The following ADGRL3 variants were observed in gnomAD, a reference collection of about 807,000 sequenced individuals.
ADGRL3 encodes calcium-independent alpha-latrotoxin receptor 3.
A neutral mutation model predicts 153.5 loss-of-function variants in ADGRL3; 62 were observed. The ratio of observed to expected loss-of-function variants is 0.40; its 90% confidence interval spans 0.33 to 0.50. The LOEUF is 0.50. Among genes scored for constraint, ADGRL3 ranks in the 20% least tolerant of loss-of-function variants. ADGRL3 has a pLI of 0.47. For synonymous variants in ADGRL3, 710 were observed against 672.5 expected (o/e 1.06, Z -0.86); for missense variants, 1,641 against 1,859.4 (o/e 0.88, Z 2.16).
intron 9 of ADGRL3, among the ~76,000 whole-genome samples, chr4:61,866,551 G>T (rs976294542): frequency 6.6e-6 from 1 of 152,140 alleles, no homozygotes; most frequent in African/African-American, 2.4e-5. Flanking sequence ...GTTAGGAAAA[G>T]CTCAGGTGCT....
In ADGRL3 at chr4:62,075,982, C is replaced by G. The variant is rs912261004; in HGVS notation, c.*5074C>G. 3 of 152,064 alleles carry G rather than the reference C, an allele frequency of 2.0e-5. No individual in the cohort carries two copies. The highest frequency in any genetic ancestry group is 7.2e-5 in the African/African-American group (3 of 41,414). The allele number at this position is 152,064 out of a possible 1,614,324, so 9.4% of individuals were successfully genotyped here. A position where few individuals can be genotyped will look rare whatever the true frequency, so the allele number is the denominator to read the frequency against. On this transcript the variant is annotated 3_prime_UTR_variant, in exon 27 of 27. Transcript: ENST00000683033. ...TTTACTAATTAACACTGATTACACTCTCTTTGGTTTAAAAGGGAAACTTTC... is the reference window on the plus strand; with the variant it reads ...TTTACTAATTAACACTGATTACACTGTCTTTGGTTTAAAAGGGAAACTTTC...
intron 5 of ADGRL3, among the ~76,000 whole-genome samples, chr4:61,641,525 G>C (rs1258701644): frequency 1.4e-5 from 2 of 147,826 alleles, no homozygotes; most frequent in Non-Finnish European, 3.0e-5. Context: ...CTATGAGTGA[G>C]AATATGCAGT....
Position 61,703,656 on chromosome 4 carries a change from T to C in ADGRL3, c.583+26721T>C, listed in dbSNP as rs191474931. Among the ~76,000 whole-genome samples the C allele has an allele frequency of 9.9e-5, 15 of 152,148 alleles. No homozygotes were observed. In the East Asian group the frequency reaches 2.5e-3, roughly 25 times the overall value. Reference sequence around the variant, plus strand: ...TAAGAGATAGGCATAAAGACTGTTATTTCTATTGTTGGAGATAGCAAATTA... The same window carrying C: ...TAAGAGATAGGCATAAAGACTGTTACTTCTATTGTTGGAGATAGCAAATTA... On this transcript the variant is annotated intron_variant, in intron 6 of 26. Coordinates refer to ENST00000683033, the MANE Select transcript of ADGRL3 (RefSeq NM_001387552.1).
intron 17 of ADGRL3, among the ~76,000 whole-genome samples, chr4:61,973,275 T>C (rs1246178291): frequency 1.3e-5 from 2 of 152,046 alleles, no homozygotes; most frequent in African/African-American, 4.8e-5. Flanking sequence ...TATCATTGAG[T>C]GTACCTCATG....
intron 1 of ADGRL3, among the ~76,000 whole-genome samples, chr4:61,269,532 A>G (rs893159956): frequency 4.0e-5 from 6 of 151,760 alleles, no homozygotes; most frequent in Admixed American, 3.9e-4. Context: ...TTTAAATTTA[A>G]TGGAACTGAT....
intron 6 of ADGRL3, among the ~76,000 whole-genome samples, chr4:61,685,820 T>C (rs1244591851): frequency 6.6e-6 from 1 of 152,134 alleles, no homozygotes; most frequent in African/African-American, 2.4e-5. Context: ...ACCTTCTCTT[T>C]CTAATATATA....
rs71664995 is a variant in ADGRL3, at chr4:61,701,430, ATTTT to A, written c.583+24514_583+24517del. On this transcript the variant is annotated intron_variant, in intron 6 of 26. Transcript: ENST00000683033. Reference sequence around the variant, plus strand: ...ATATCAGAAGCACATTAAAGGTACAATTTTTTTTTTTTTTTTTTTTTTGAGATGG... The same window carrying A: ...ATATCAGAAGCACATTAAAGGTACAATTTTTTTTTTTTTTTTTTGAGATGG... Among the ~76,000 whole-genome samples, 10 of 105,416 alleles carry A rather than the reference ATTTT, an allele frequency of 9.5e-5. No homozygotes were observed. In the Admixed American group the frequency reaches 1.2e-3, roughly 13 times the overall value. 69.2% of individuals were successfully genotyped at this position (105,416 alleles called of 152,430 possible).
chr4:61,911,879 A>G (rs2098723582), intron 12 of ADGRL3, among the ~76,000 whole-genome samples: 1 of 152,242 alleles, frequency 6.6e-6, no homozygotes, highest in Middle Eastern at 3.4e-3. Flanking sequence ...CCACAAATGA[A>G]TTTATAAAAA....
intron 1 of ADGRL3, among the ~76,000 whole-genome samples, chr4:61,252,497 T>G (rs1759671666): frequency 6.6e-6 from 1 of 152,228 alleles, no homozygotes; most frequent in African/African-American, 2.4e-5. Context: ...AATGAATATT[T>G]TTAAAACTTT....
rs796142701 is a variant in ADGRL3 at position 61,597,352 on chromosome 4, A to T, written c.473+9912A>T. Among the ~76,000 whole-genome samples, 32 of 152,270 alleles carry T rather than the reference A, an allele frequency of 2.1e-4. 1 individual carries two copies. Among genetic ancestry groups the T allele is most frequent in the African/African-American group, 7.7e-4 (32 of 41,584 alleles). On this transcript the variant is annotated intron_variant, in intron 5 of 26. Transcript: ENST00000683033. ...GCTGTCTATGGGTTAAAAGGTGAGT[A>T]GATGATAATTGAACTAAAGGGAACT...
intron 25 of ADGRL3, among the ~76,000 whole-genome samples, chr4:62,050,448 A>C (rs1171206266): frequency 6.6e-6 from 1 of 152,098 alleles, no homozygotes; most frequent in Non-Finnish European, 1.5e-5. Context: ...GATGTGGCTC[A>C]GAACCGTTTT....
At chr4:61,886,330 A>G (rs1267785545) in intron 9 of ADGRL3, among the ~76,000 whole-genome samples, 1 of 152,144 alleles carries the variant, frequency 6.6e-6, no homozygotes, top group Non-Finnish European at 1.5e-5. Context: ...CAGCATTGTT[A>G]TGGTTTCAGT....
chr4:61,990,591 A>C (rs2099100281), intron 19 of ADGRL3, among the ~76,000 whole-genome samples: 1 of 152,110 alleles, frequency 6.6e-6, no homozygotes, highest in African/African-American at 2.4e-5. Context: ...CTGTTTAATA[A>C]TACTAAAAGT....
chr4:61,736,797 TTGTC>T (rs1457445372), intron 8 of ADGRL3, among the ~76,000 whole-genome samples: 4 of 152,332 alleles, frequency 2.6e-5, no homozygotes, highest in Admixed American at 1.3e-4. Flanking sequence ...AATTAAGACT[TTGTC>T]TGTTTTACAA....
rs142247114 is a variant in ADGRL3 at position 61,280,212 on chromosome 4, C to T, written c.-240+78447C>T. Among the ~76,000 whole-genome samples the T allele has an allele frequency of 7.4e-3, 1,099 of 149,168 alleles. 17 individuals are homozygous for T. Among genetic ancestry groups the T allele is most frequent in the African/African-American group, 0.025 (1,002 of 40,498 alleles). On this transcript the variant is annotated intron_variant, in intron 1 of 26. Coordinates refer to ENST00000683033, the MANE Select transcript of ADGRL3 (RefSeq NM_001387552.1). ...GCAACCTCCACCTTCCAGGTCCAAGCGATTCTCCTGACTCAGCCTCCTGAG... is the reference window on the plus strand; with the variant it reads ...GCAACCTCCACCTTCCAGGTCCAAGTGATTCTCCTGACTCAGCCTCCTGAG...
chr4:61,810,753 C>T (rs1180320946), intron 8 of ADGRL3, among the ~76,000 whole-genome samples: 1 of 152,164 alleles, frequency 6.6e-6, no homozygotes, highest in Non-Finnish European at 1.5e-5. Flanking sequence ...GGAGAGTCCA[C>T]GTTTTCATTT....
chr4:61,849,961 A>T (rs1316852224), intron 9 of ADGRL3, among the ~76,000 whole-genome samples: 3 of 152,112 alleles, frequency 2.0e-5, no homozygotes, highest in African/African-American at 7.2e-5. Context: ...GAATTATGAC[A>T]TAATGTAGCA....
intron 9 of ADGRL3, among the ~76,000 whole-genome samples, chr4:61,889,610 A>T (rs1358935193): frequency 6.6e-6 from 1 of 152,240 alleles, no homozygotes; most frequent in Non-Finnish European, 1.5e-5. Flanking sequence ...ATTAATTTTC[A>T]TTACATGGTA....
chr4:61,915,533 T>C (rs1481398655), intron 13 of ADGRL3, among the ~76,000 whole-genome samples: 1 of 152,146 alleles, frequency 6.6e-6, no homozygotes, highest in East Asian at 1.9e-4. Context: ...CAAACATGAA[T>C]CTCTGGTGGA....
Sources: gnomAD v4.1 joint callset for allele counts (sites outside exome capture counted in the v4.1 genomes callset) on GRCh38, gnomAD v4.1.1 for gene constraint, MANE v1.5 for transcripts, NCBI Gene and HGNC (gene_info 2026-07-23, HGNC 2026-07-21) for gene names.